EDIL3: variants seen among roughly 807,000 people sequenced by gnomAD.
EDIL3 encodes the protein EGF-like repeat and discoidin I-like domain-containing protein 3.
In EDIL3, 37 loss-of-function variants were observed where a neutral mutation model predicts 67.4. That is an observed-to-expected ratio of 0.55 (90% CI 0.42 to 0.72). EDIL3 has a LOEUF of 0.72. Among genes scored for constraint, EDIL3 ranks in the 30% least tolerant of loss-of-function variants. The pLI is 0.00. For missense variants in EDIL3, 527 were observed against 586.3 expected (o/e 0.90, Z 1.04); for synonymous variants, 195 against 196.3 (o/e 0.99, Z 0.05).
intron 4 of EDIL3, among the ~76,000 whole-genome samples, chr5:84,153,948 C>G (rs183528644): frequency 2.6e-4 from 40 of 152,178 alleles, no homozygotes; most frequent in African/African-American, 9.6e-4. Context: ...GTCAAGAGAT[C>G]TAGAGTGGGC....
At chr5:84,176,895 C>T (rs1448617711) in intron 4 of EDIL3, among the ~76,000 whole-genome samples, 1 of 151,978 alleles carries the variant, frequency 6.6e-6, no homozygotes, top group Admixed American at 6.6e-5. Flanking sequence ...CCTCATGCTA[C>T]TTTCATTACC....
chr5:84,331,496 G>A (rs1341424543), intron 1 of EDIL3, among the ~76,000 whole-genome samples: 1 of 152,102 alleles, frequency 6.6e-6, no homozygotes, highest in Non-Finnish European at 1.5e-5. Context: ...AAGGGGCTTT[G>A]CCCTGCCTTT....
intron 1 of EDIL3, among the ~76,000 whole-genome samples, chr5:84,282,284 T>G (rs1350975738): frequency 6.6e-6 from 1 of 152,192 alleles, no homozygotes; most frequent in Non-Finnish European, 1.5e-5. Flanking sequence ...AATACAATTT[T>G]TATATTTATA....
At chr5:84,227,010 C>T (rs186977100) in intron 3 of EDIL3, among the ~76,000 whole-genome samples, 337 of 151,976 alleles carry the variant, frequency 2.2e-3, no homozygotes, top group Non-Finnish European at 3.8e-3. Context: ...TCATTTTCTT[C>T]GTACAAAACA....
intron 9 of EDIL3, among the ~76,000 whole-genome samples, chr5:84,005,830 AG>A (rs1745404942): frequency 6.6e-6 from 1 of 152,052 alleles, no homozygotes; most frequent in Non-Finnish European, 1.5e-5. Context: ...CAGAGCAATC[AG>A]GCAAGAGAAA....
intron 6 of EDIL3, among the ~76,000 whole-genome samples, chr5:84,074,318 C>T (rs1005717727): frequency 2.6e-5 from 4 of 151,446 alleles, no homozygotes; most frequent in African/African-American, 9.7e-5. Flanking sequence ...ACACCAAAAG[C>T]AATGGCAACA....
intron 1 of EDIL3, among the ~76,000 whole-genome samples, chr5:84,303,031 C>A (rs186119003): frequency 7.2e-5 from 11 of 152,290 alleles, no homozygotes; most frequent in Non-Finnish European, 4.4e-5. Context: ...GGATCTCATT[C>A]CTTGTTGTAT....
chr5:84,363,372 C>A (rs1747654528), intron 1 of EDIL3, among the ~76,000 whole-genome samples: 2 of 151,154 alleles, frequency 1.3e-5, no homozygotes, highest in South Asian at 4.2e-4. Flanking sequence ...ATCGCTTGAA[C>A]TCGGGAAGTG....
intron 2 of EDIL3, among the ~76,000 whole-genome samples, chr5:84,240,177 A>G (rs1744767491): frequency 6.6e-6 from 1 of 152,230 alleles, no homozygotes. Context: ...TCAAAAAATA[A>G]ATTTATCTTG....
chr5:84,314,131 G>A (rs563848551), intron 1 of EDIL3, among the ~76,000 whole-genome samples: 2 of 152,274 alleles, frequency 1.3e-5, no homozygotes, highest in Non-Finnish European at 2.9e-5. Flanking sequence ...GGGAGGCGGA[G>A]GTTGCAGTGA....
intron 3 of EDIL3, among the ~76,000 whole-genome samples, chr5:84,190,624 C>T (rs1743565732): frequency 6.8e-6 from 1 of 146,382 alleles, no homozygotes; most frequent in African/African-American, 2.5e-5. Context: ...ATATCTGAGC[C>T]CAAGTTTCAG....
At chr5:84,116,205 A>AAAC (rs1222975339) in intron 5 of EDIL3, among the ~76,000 whole-genome samples, 23 of 151,272 alleles carry the variant, frequency 1.5e-4, no homozygotes, top group Non-Finnish European at 8.8e-5. Context: ...AAAAAAAAAA[A>AAAC]AAAACCCCAA....
intron 1 of EDIL3, among the ~76,000 whole-genome samples, chr5:84,301,592 C>G (rs1418707831): frequency 6.6e-6 from 1 of 152,142 alleles, no homozygotes; most frequent in Non-Finnish European, 1.5e-5. Context: ...TCACAATTAT[C>G]TTTATTTTGT....
chr5:84,316,585 T>C (rs1225864862), intron 1 of EDIL3, among the ~76,000 whole-genome samples: 1 of 152,096 alleles, frequency 6.6e-6, no homozygotes, highest in Non-Finnish European at 1.5e-5. Context: ...ATGCACCCCA[T>C]ACAGGAGCAC....
intron 3 of EDIL3, among the ~76,000 whole-genome samples, chr5:84,200,217 C>G (rs1261350476): frequency 1.3e-5 from 2 of 151,930 alleles, no homozygotes; most frequent in Admixed American, 1.3e-4. Flanking sequence ...TGTATACATA[C>G]ATAATAAACC....
At chr5:84,071,056 A>C (rs1267085071) in intron 6 of EDIL3, among the ~76,000 whole-genome samples, 1 of 152,168 alleles carries the variant, frequency 6.6e-6, no homozygotes, top group East Asian at 1.9e-4. Flanking sequence ...CTTAGACAGG[A>C]GTCTGCAGGC....
intron 3 of EDIL3, among the ~76,000 whole-genome samples, chr5:84,205,878 A>C (rs1191842021): frequency 1.3e-5 from 2 of 149,260 alleles, no homozygotes; most frequent in Non-Finnish European, 3.0e-5. Context: ...TGGATTCATT[A>C]ATTTTTTGAA....
intron 3 of EDIL3, among the ~76,000 whole-genome samples, chr5:84,184,066 A>T (rs1490096309): frequency 1.3e-5 from 2 of 152,216 alleles, no homozygotes; most frequent in Admixed American, 1.3e-4. Context: ...AGATCGTGCC[A>T]TTGCACTCCA....
At chr5:84,301,644 T>C (rs1320426644) in intron 1 of EDIL3, among the ~76,000 whole-genome samples, 2 of 152,200 alleles carry the variant, frequency 1.3e-5, no homozygotes, top group African/African-American at 4.8e-5. Flanking sequence ...AAACTATGGC[T>C]GCACAGTATC....
Sources: gnomAD v4.1 joint callset for allele counts (sites outside exome capture counted in the v4.1 genomes callset) on GRCh38, gnomAD v4.1.1 for gene constraint, MANE v1.5 for transcripts, NCBI Gene and HGNC (gene_info 2026-07-23, HGNC 2026-07-21) for gene names.